Variants in PCDH9 observed in about 807,000 individuals in gnomAD.
PCDH9 encodes protocadherin 9, also known as protocadherin-9.
Under a neutral mutation model 70.6 loss-of-function variants are expected in PCDH9, and 24 were observed. That is an observed-to-expected ratio of 0.34 (90% CI 0.25 to 0.48). PCDH9 has a LOEUF of 0.48. Ranked by LOEUF, PCDH9 falls within the 20% of genes least tolerant of loss-of-function variation. The pLI, the probability that PCDH9 is intolerant of heterozygous loss-of-function variation, is 0.99. For synonymous variants in PCDH9, 562 were observed against 558.5 expected (o/e 1.01, Z -0.09); for missense variants, 1,281 against 1,503.6 (o/e 0.85, Z 2.45).
intron 2 of PCDH9, among the ~76,000 whole-genome samples, chr13:66,944,371 GCTT>G (rs1242203328): frequency 6.6e-6 from 1 of 152,026 alleles, no homozygotes; most frequent in Non-Finnish European, 1.5e-5. Context: ...AATATTTTCA[GCTT>G]CTTGTCTCAT....
intron 3 of PCDH9, among the ~76,000 whole-genome samples, chr13:66,739,343 G>A (rs1444761555): frequency 2.1e-4 from 28 of 133,164 alleles, no homozygotes; most frequent in African/African-American, 6.1e-4. Flanking sequence ...TGAAGGAAGC[G>A]CTAAGCATGG....
chr13:66,702,673 A>G (rs1421032333), intron 3 of PCDH9, among the ~76,000 whole-genome samples: 1 of 152,192 alleles, frequency 6.6e-6, no homozygotes, highest in Non-Finnish European at 1.5e-5. Context: ...CATCATGTAT[A>G]TGTATATCAA....
At chr13:67,125,841 A>ATGTG (rs34815072) in intron 2 of PCDH9, among the ~76,000 whole-genome samples, 267 of 150,176 alleles carry the variant, frequency 1.8e-3, no homozygotes, top group Middle Eastern at 0.01. Flanking sequence ...GTATATATAT[A>ATGTG]TGTGTGTGTG....
chr13:67,165,573 A>G (rs141251874), intron 2 of PCDH9, among the ~76,000 whole-genome samples: 79 of 152,278 alleles, frequency 5.2e-4, no homozygotes, highest in African/African-American at 1.8e-3. Context: ...GATTGAATCC[A>G]TAACAAAGAG....
intron 3 of PCDH9, among the ~76,000 whole-genome samples, chr13:66,875,000 T>C (rs2081776928): frequency 6.9e-6 from 1 of 145,196 alleles, no homozygotes; most frequent in Non-Finnish European, 1.5e-5. Context: ...GAGGAGGAGA[T>C]AATGAGAAGT....
chr13:67,107,770 C>G lies in PCDH9; in HGVS notation c.3036+117635G>C, dbSNP rs921041378. Among the ~76,000 whole-genome samples the G allele has an allele frequency of 2.6e-5, 4 of 152,184 alleles. No homozygotes were observed. The South Asian group carries it at 8.3e-4, about 32-fold the overall frequency. Reference sequence around the variant, plus strand: ...TGAAACAGCTGTAATACAAACAGGGCTGAAATGCCCCCTTGCTCACCATAT... The same window carrying G: ...TGAAACAGCTGTAATACAAACAGGGGTGAAATGCCCCCTTGCTCACCATAT... On this transcript the variant is annotated intron_variant, in intron 2 of 4. Coordinates refer to ENST00000377865, the MANE Select transcript of PCDH9 (RefSeq NM_203487.3).
rs535988066 is a variant in PCDH9, at chr13:66,783,417, C to T, written c.3138+120087G>A. Among the ~76,000 whole-genome samples the T allele has an allele frequency of 1.1e-4, 16 of 152,140 alleles. No individual in the cohort carries two copies. The South Asian group carries it at 1.5e-3, about 14-fold the overall frequency. ...ATGCCAAAAAAATTAACAGACACCT[C>T]GATCATACTTTAACCCAAAGTATAA... is the stretch of plus-strand genomic sequence containing the variant. On this transcript the variant is annotated intron_variant, in intron 3 of 4. Transcript: ENST00000377865.
At chr13:67,142,844 C>A (rs993134084) in intron 2 of PCDH9, among the ~76,000 whole-genome samples, 84 of 134,188 alleles carry the variant, frequency 6.3e-4, no homozygotes, top group Middle Eastern at 3.7e-3. Context: ...ACTAAAAATA[C>A]AAAAAAAAAA....
Position 67,225,477 on chromosome 13 carries a change from T to A in PCDH9, c.2964A>T (p.Ser988=), listed in dbSNP as rs189090129. 1.4e-4 allele frequency: 233 copies of A among 1,614,088 alleles called. 1 individual carries two copies. In the Middle Eastern group the frequency reaches 6.1e-3, roughly 42 times the overall value. ...DTLSKRSSTS[S]DHFSASECSS... ...TGCACTCTGAGGCACTGAAGTGATCTGAACTAGTGGAAGAGCGTTTAGAAA... is the reference window on the plus strand; with the variant it reads ...TGCACTCTGAGGCACTGAAGTGATCAGAACTAGTGGAAGAGCGTTTAGAAA... The change falls in exon 2 of 5, where the codon TCA becomes TCT. Residue 988 remains serine, a synonymous_variant. Coordinates refer to ENST00000377865, the MANE Select transcript of PCDH9 (RefSeq NM_203487.3).
intron 2 of PCDH9, among the ~76,000 whole-genome samples, chr13:67,134,273 C>T (rs1330360414): frequency 6.6e-6 from 1 of 152,068 alleles, no homozygotes; most frequent in Non-Finnish European, 1.5e-5. Context: ...ATTCAAAACA[C>T]TCCCTGAGGT....
intron 2 of PCDH9, among the ~76,000 whole-genome samples, chr13:66,950,320 GA>G (rs1395214271): frequency 3.3e-5 from 5 of 152,038 alleles, no homozygotes; most frequent in Non-Finnish European, 5.9e-5. Flanking sequence ...TAATAGCTGT[GA>G]GATTTACAGA....
chr13:67,196,645 T>G (rs529359249), intron 2 of PCDH9, among the ~76,000 whole-genome samples: 2 of 152,200 alleles, frequency 1.3e-5, no homozygotes, highest in Admixed American at 6.5e-5. Context: ...AAATGAATAC[T>G]GGGCAAGTGC....
intron 3 of PCDH9, among the ~76,000 whole-genome samples, chr13:66,675,218 C>T (rs2078226754): frequency 6.6e-6 from 1 of 152,096 alleles, no homozygotes; most frequent in Non-Finnish European, 1.5e-5. Flanking sequence ...AACAAAGTCA[C>T]TAAACACAAG....
At chr13:67,009,830 T>A (rs1223402467) in intron 2 of PCDH9, among the ~76,000 whole-genome samples, 2 of 151,978 alleles carry the variant, frequency 1.3e-5, no homozygotes, top group Non-Finnish European at 2.9e-5. Context: ...AAATACAATA[T>A]AGTTATTATC....
intron 4 of PCDH9, among the ~76,000 whole-genome samples, chr13:66,366,230 C>A (rs1382636312): frequency 6.6e-6 from 1 of 151,918 alleles, no homozygotes; most frequent in Non-Finnish European, 1.5e-5. Context: ...TTTCTCACCC[C>A]AAATGCTATT....
chr13:67,117,426 G>C (rs1186169753), intron 2 of PCDH9, among the ~76,000 whole-genome samples: 1 of 152,098 alleles, frequency 6.6e-6, no homozygotes, highest in African/African-American at 2.4e-5. Context: ...AGTAAGGGAG[G>C]TTCACATCCA....
intron 3 of PCDH9, among the ~76,000 whole-genome samples, chr13:66,790,313 C>T (rs905187220): frequency 2.0e-5 from 3 of 152,000 alleles, no homozygotes; most frequent in Non-Finnish European, 4.4e-5. Flanking sequence ...TGATTCCTAG[C>T]AGTTCATAAT....
intron 4 of PCDH9, among the ~76,000 whole-genome samples, chr13:66,356,647 G>C (rs1042148725): frequency 2.0e-5 from 3 of 152,160 alleles, no homozygotes; most frequent in South Asian, 2.1e-4. Context: ...CAAAAACAAA[G>C]ATGATACAGT....
chr13:66,603,152 AGTTT>A (rs2077183154), intron 4 of PCDH9, among the ~76,000 whole-genome samples: 1 of 145,730 alleles, frequency 6.9e-6, no homozygotes. Flanking sequence ...AAGTCCTATG[AGTTT>A]GAAAAGAAAT....
Sources: allele counts gnomAD v4.1 joint callset (sites outside exome capture counted in the v4.1 genomes callset), GRCh38; gene constraint gnomAD v4.1.1; transcripts MANE v1.5; gene names NCBI Gene and HGNC (gene_info 2026-07-23, HGNC 2026-07-21).